The following KDELR3 variants were observed in gnomAD, a reference collection of about 807,000 sequenced individuals.
KDELR3 encodes ER lumen protein-retaining receptor 3.
A neutral mutation model predicts 22.7 loss-of-function variants in KDELR3; 26 were observed. That is an observed-to-expected ratio of 1.15 (90% confidence interval 0.84 to 1.59). The LOEUF is 1.59. Among genes scored for constraint, KDELR3 ranks in the 40% most tolerant of loss-of-function variants. The pLI is 0.00. For missense variants in KDELR3, 289 were observed against 251.1 expected, an observed-to-expected ratio of 1.15 and a Z score of -1.02; for synonymous variants, 120 against 98.2, an observed-to-expected ratio of 1.22 and a Z score of -1.31.
At position 38,482,592 on chromosome 22, in the gene KDELR3, T is replaced by C; in HGVS notation, c.*56T>C. The C allele has an allele frequency of 6.9e-7, 1 of 1,446,984 alleles. No individual in the cohort carries two copies. Among genetic ancestry groups the C allele is most frequent in the Non-Finnish European group, 9.7e-7 (1 of 1,033,118 alleles). 89.6% of individuals were successfully genotyped at this position (1,446,984 alleles called of 1,614,324 possible). ...AGCACATGAAGGAAACTATTTTGAA[T>C]GTTCTCTTTGGCAACTTATCCATAA... is the stretch of plus-strand genomic sequence containing the variant. On this transcript the variant is annotated 3_prime_UTR_variant, in exon 5 of 5. Coordinates refer to ENST00000216014, the MANE Select transcript of KDELR3 (RefSeq NM_006855.4).
chr22:38,481,564 T>C lies in KDELR3; in HGVS notation c.604+100T>C, dbSNP rs1281103851. 25 of 1,568,180 alleles carry C rather than the reference T, an allele frequency of 1.6e-5. 1 individual carries two copies. The Admixed American group carries it at 4.4e-4, about 27-fold the overall frequency. On this transcript the variant is annotated intron_variant, in intron 4 of 4. Transcript: ENST00000216014. ...ATACAGATGTGAACAGTCAAGTCTC[T>C]GCCATCCACAATGCTTGTGTTCTAA...
chr22:38,481,495 C>G lies in KDELR3; in HGVS notation c.604+31C>G, dbSNP rs371992463. On this transcript the variant is annotated intron_variant, in intron 4 of 4. Coordinates refer to ENST00000216014, the MANE Select transcript of KDELR3 (RefSeq NM_006855.4). The stretch of plus-strand genomic sequence containing the variant: ...TCCTGGGATGACAGCAATGCTGACA[C>G]TGGCCTAAGGAGTTACTCATCCATT... The G allele has an allele frequency of 1.5e-5, 25 of 1,613,914 alleles. No individual in the cohort carries two copies. The African/African-American group carries it at 2.8e-4, about 18-fold the overall frequency.
intron 3 of KDELR3, among the ~76,000 whole-genome samples, chr22:38,480,207 G>GATTCT (rs1337889774): frequency 5.9e-5 from 9 of 152,092 alleles, no homozygotes; most frequent in Non-Finnish European, 5.9e-5. Flanking sequence ...GCAGTGGCAG[G>GATTCT]ATCTCAGCTC....
intron 2 of KDELR3, among the ~76,000 whole-genome samples, chr22:38,478,835 G>GT (rs2089579063): frequency 6.6e-6 from 1 of 151,262 alleles, no homozygotes; most frequent in Admixed American, 6.6e-5. Flanking sequence ...TAGAAACAGG[G>GT]TTTCACCATG....
At chr22:38,480,704 G>A (rs539986638) in intron 3 of KDELR3, among the ~76,000 whole-genome samples, 6 of 152,184 alleles carry the variant, frequency 3.9e-5, no homozygotes, top group African/African-American at 9.6e-5. Context: ...AGTGAGCCGA[G>A]ATCGCACCAC....
Position 38,470,192 on chromosome 22 carries a change from C to T in KDELR3, c.91+1868C>T, listed in dbSNP as rs186716800. Among the ~76,000 whole-genome samples the T allele has an allele frequency of 1.2e-3, 178 of 151,574 alleles. 1 individual carries two copies. Among genetic ancestry groups the T allele is most frequent in the Non-Finnish European group, 2.2e-3 (150 of 67,914 alleles). On this transcript the variant is annotated intron_variant, in intron 1 of 4. Coordinates refer to ENST00000216014, the MANE Select transcript of KDELR3 (RefSeq NM_006855.4). ...AGGCTGGAGTGCAGTGGCGCAATCT[C>T]GGCTCACTGCAACCTCTGCCTCCCA...
intron 1 of KDELR3, among the ~76,000 whole-genome samples, chr22:38,469,621 G>C (rs180718710): frequency 6.6e-6 from 1 of 152,034 alleles, no homozygotes; most frequent in African/African-American, 2.4e-5. Flanking sequence ...TGGGGGACCC[G>C]GAGCAGCAGG....
chr22:38,468,145 C>A lies in KDELR3; in HGVS notation c.-89C>A. On this transcript the variant is annotated 5_prime_UTR_variant, in exon 1 of 5. Coordinates refer to ENST00000216014, the MANE Select transcript of KDELR3 (RefSeq NM_006855.4). ...GGCAGGGCTCTGGGGCACCTAGAGACCGGGGCCGGAGACGTGGCAGCCGCC... is the reference window on the plus strand; with the variant it reads ...GGCAGGGCTCTGGGGCACCTAGAGAACGGGGCCGGAGACGTGGCAGCCGCC... 1 of 1,180,614 alleles carries A rather than the reference C, an allele frequency of 8.5e-7. No homozygotes were observed. Among genetic ancestry groups the A allele is most frequent in the Non-Finnish European group, 1.2e-6 (1 of 803,200 alleles). The allele number at this position is 1,180,614 out of a possible 1,614,324, so 73.1% of individuals were successfully genotyped here. A position where few individuals can be genotyped will look rare whatever the true frequency, so the allele number is the denominator to read the frequency against.
chr22:38,481,990 G>A (rs1042728292), intron 4 of KDELR3, among the ~76,000 whole-genome samples: 1 of 152,232 alleles, frequency 6.6e-6, no homozygotes, highest in African/African-American at 2.4e-5. Flanking sequence ...GGGCCACAAA[G>A]CCATCCTGAG....
intron 4 of KDELR3, 138 bp from the exon 5 acceptor site, chr22:38,482,358 G>C: frequency 1.4e-6 from 1 of 701,604 alleles, no homozygotes; most frequent in South Asian, 1.7e-5. Flanking sequence ...AACCGGAGAT[G>C]GACTCCCCCT....
At chr22:38,468,549 AGACG>A (rs2089502531) in intron 1 of KDELR3, among the ~76,000 whole-genome samples, 1 of 152,208 alleles carries the variant, frequency 6.6e-6, no homozygotes, top group Non-Finnish European at 1.5e-5. Flanking sequence ...GTTCCTGCAC[AGACG>A]CCCCCTCAGG....
At chr22:38,476,000 A>G (rs1331266228) in intron 2 of KDELR3, among the ~76,000 whole-genome samples, 1 of 152,020 alleles carries the variant, frequency 6.6e-6, no homozygotes, top group Non-Finnish European at 1.5e-5. Context: ...TGGTGCGATC[A>G]TGGCTCACTG....
At chr22:38,481,731 A>T (rs1460174114) in intron 4 of KDELR3, 25 of 1,144,316 alleles carry the variant, frequency 2.2e-5, no homozygotes, top group Non-Finnish European at 2.8e-5. Flanking sequence ...TCCAGAACTT[A>T]TTACAAGCCC....
intron 3 of KDELR3, among the ~76,000 whole-genome samples, chr22:38,480,804 G>A (rs907586151): frequency 3.9e-5 from 6 of 151,912 alleles, no homozygotes; most frequent in Admixed American, 1.3e-4. Flanking sequence ...GCACATGCCT[G>A]TATGTAGTCC....
intron 1 of KDELR3, among the ~76,000 whole-genome samples, chr22:38,472,855 A>T (rs920821227): frequency 2.0e-5 from 3 of 151,666 alleles, no homozygotes; most frequent in Admixed American, 6.6e-5. Context: ...ATGAGCCACC[A>T]CACCTGGCTA....
At chr22:38,474,664 C>T (rs2089546418) in intron 2 of KDELR3, 41 bp downstream of exon 2, 1 of 1,509,130 alleles carries the variant, frequency 6.6e-7, no homozygotes, top group Non-Finnish European at 9.2e-7. Flanking sequence ...AGCCACCAAG[C>T]CCCCACAAAC....
intron 2 of KDELR3, among the ~76,000 whole-genome samples, chr22:38,478,629 ATTTTTTT>A (rs55884876): frequency 2.1e-3 from 93 of 43,556 alleles, no homozygotes; most frequent in African/African-American, 6.1e-3. Context: ...AGCATCTGTG[ATTTTTTT>A]TTTTTTTTTT....
chr22:38,476,639 C>G (rs1397698733), intron 2 of KDELR3, among the ~76,000 whole-genome samples: 1 of 152,024 alleles, frequency 6.6e-6, no homozygotes, highest in South Asian at 2.1e-4. Flanking sequence ...ATTCTCCTAC[C>G]TCAGCCTCCA....
intron 2 of KDELR3, among the ~76,000 whole-genome samples, chr22:38,478,030 A>AG (rs1365249311): frequency 2.0e-5 from 3 of 152,186 alleles, no homozygotes; most frequent in African/African-American, 7.2e-5. Flanking sequence ...CCTCTCTTAG[A>AG]GGGGAGATGG....
Sources: gnomAD v4.1 joint callset for allele counts (sites outside exome capture counted in the v4.1 genomes callset) on GRCh38, gnomAD v4.1.1 for gene constraint, MANE v1.5 for transcripts, NCBI Gene and HGNC (gene_info 2026-07-23, HGNC 2026-07-21) for gene names.